Variants in SGCG observed in about 807,000 individuals in gnomAD.
SGCG encodes gamma-sarcoglycan.
A neutral mutation model predicts 29.3 loss-of-function variants in SGCG; 26 were observed. The ratio of observed to expected loss-of-function variants is 0.89; its 90% CI spans 0.65 to 1.23. SGCG has a LOEUF of 1.23. Ranked by LOEUF, SGCG falls within the 50% of genes most tolerant of loss-of-function variation. SGCG has a pLI of 0.00. For missense variants in SGCG, 353 were observed against 356.0 expected, an observed-to-expected ratio of 0.99 and a Z score of 0.07; for synonymous variants, 145 against 129.7, an observed-to-expected ratio of 1.12 and a Z score of -0.80.
At chr13:23,174,522 T>C in the SGCG span, among the ~76,000 whole-genome samples, 1 of 152,138 alleles carries the variant, frequency 6.6e-6, no homozygotes, top group Admixed American at 6.5e-5. Context: ...CGATTCCATA[T>C]AGTAGATTAA....
intron 6 of SGCG, among the ~76,000 whole-genome samples, chr13:23,303,111 T>C (rs906326828): frequency 1.3e-5 from 2 of 152,240 alleles, no homozygotes; most frequent in South Asian, 2.1e-4. Context: ...ATTTTTTAAT[T>C]TTCCCTTGCA....
chr13:23,315,749 A>G (rs966266479), intron 6 of SGCG, among the ~76,000 whole-genome samples: 14 of 152,210 alleles, frequency 9.2e-5, no homozygotes, highest in Admixed American at 5.2e-4. Context: ...GCTGTAGCCA[A>G]TGGTTTGGCT....
the SGCG span, among the ~76,000 whole-genome samples, chr13:23,170,339 T>C: frequency 6.6e-6 from 1 of 152,168 alleles, no homozygotes; most frequent in Non-Finnish European, 1.5e-5. Context: ...GACTTTGTGA[T>C]CATTAGCTTA....
At chr13:23,260,948 T>C (rs1880408868) in intron 4 of SGCG, among the ~76,000 whole-genome samples, 1 of 152,164 alleles carries the variant, frequency 6.6e-6, no homozygotes, top group Non-Finnish European at 1.5e-5. Context: ...ACCTGACCTT[T>C]CTCTCTGGCT....
chr13:23,270,516 A>G (rs1185228398), intron 4 of SGCG, among the ~76,000 whole-genome samples: 1 of 152,034 alleles, frequency 6.6e-6, no homozygotes, highest in East Asian at 1.9e-4. Context: ...CCATTTTTCT[A>G]TCAGAATTGT....
intron 4 of SGCG, among the ~76,000 whole-genome samples, chr13:23,274,950 T>C (rs1177913791): frequency 6.6e-6 from 1 of 151,986 alleles, no homozygotes; most frequent in Non-Finnish European, 1.5e-5. Flanking sequence ...AATTAGATTT[T>C]TTCAGTTCAG....
intron 2 of SGCG, among the ~76,000 whole-genome samples, chr13:23,228,545 G>A (rs372435357): frequency 4.6e-5 from 7 of 151,928 alleles, no homozygotes; most frequent in Non-Finnish European, 8.8e-5. Context: ...AGATTATTTC[G>A]TCACCCAGGT....
At chr13:23,238,852 G>A (rs968112670) in intron 3 of SGCG, among the ~76,000 whole-genome samples, 1 of 152,110 alleles carries the variant, frequency 6.6e-6, no homozygotes, top group Non-Finnish European at 1.5e-5. Flanking sequence ...ACAATTTAAA[G>A]TATAGCTATA....
At chr13:23,169,703 TAC>T in the SGCG span, 23,993 of 130,652 alleles carry the variant, frequency 0.18, 1,930 homozygotes, top group Admixed American at 0.21. Flanking sequence ...CTGTCTCTCA[TAC>T]ACACACACAC....
the SGCG span, among the ~76,000 whole-genome samples, chr13:23,161,099 A>C: frequency 1.3e-5 from 2 of 152,124 alleles, no homozygotes; most frequent in Non-Finnish European, 2.9e-5. Flanking sequence ...ACCAAGTGCA[A>C]AGTTGCGTAG....
the SGCG span, among the ~76,000 whole-genome samples, chr13:23,174,029 T>C: frequency 2.0e-5 from 3 of 152,202 alleles, no homozygotes; most frequent in East Asian, 3.8e-4. Flanking sequence ...TGAAATGAAT[T>C]ATTAACCAAT....
chr13:23,318,245 TCC>T, intron 6 of SGCG, among the ~76,000 whole-genome samples: 1 of 152,150 alleles, frequency 6.6e-6, no homozygotes, highest in Non-Finnish European at 1.5e-5. Flanking sequence ...ACTAGTTATG[TCC>T]CTCTAGGGAA....
At chr13:23,182,387 G>A (rs1034769654) in intron 1 of SGCG, among the ~76,000 whole-genome samples, 7 of 152,090 alleles carry the variant, frequency 4.6e-5, no homozygotes, top group African/African-American at 7.2e-5. Flanking sequence ...AAACTACAGC[G>A]TCCTGAGGAT....
intron 1 of SGCG, among the ~76,000 whole-genome samples, chr13:23,185,996 A>T (rs1375567116): frequency 6.6e-6 from 1 of 152,112 alleles, no homozygotes; most frequent in Non-Finnish European, 1.5e-5. Flanking sequence ...TTCCTGGGGG[A>T]ACACTGAGGG....
intron 2 of SGCG, among the ~76,000 whole-genome samples, chr13:23,212,568 A>G (rs1878266836): frequency 6.6e-6 from 1 of 152,228 alleles, no homozygotes; most frequent in Non-Finnish European, 1.5e-5. Context: ...GCAAATGAGT[A>G]TAGAAAGAGG....
chr13:23,162,481 C>A, the SGCG span, among the ~76,000 whole-genome samples: 1 of 152,114 alleles, frequency 6.6e-6, no homozygotes, highest in African/African-American at 2.4e-5. Context: ...TAAAAATTAG[C>A]CGGGCGTGGT....
chr13:23,203,775 C>T lies in SGCG; in HGVS notation c.81C>T (p.Gly27=), dbSNP rs202078221. 3 of 1,613,784 alleles carry T rather than the reference C, an allele frequency of 1.9e-6. No individual in the cohort carries two copies. The African/African-American group carries it at 4.0e-5, about 22-fold the overall frequency. Residue 27 remains glycine (G), a synonymous_variant, in exon 2 of 8, where the codon GGC becomes GGT. Coordinates refer to ENST00000218867, the MANE Select transcript of SGCG (RefSeq NM_000231.3). ...RPENQYVYKI[G]IYGWRKRCLY... ...AGAATCAGTATGTCTACAAAATTGG[C>T]ATTTATGGCTGGAGAAAGCGCTGTC...
At chr13:23,215,895 G>C (rs1317843561) in intron 2 of SGCG, among the ~76,000 whole-genome samples, 1 of 151,794 alleles carries the variant, frequency 6.6e-6, no homozygotes, top group Non-Finnish European at 1.5e-5. Flanking sequence ...GCCAAATGTG[G>C]AAGACCAATT....
chr13:23,282,149 T>A (rs1399741270), intron 5 of SGCG, among the ~76,000 whole-genome samples: 1 of 152,170 alleles, frequency 6.6e-6, no homozygotes, highest in African/African-American at 2.4e-5. Context: ...GACAGTACAA[T>A]TTTGAGCAGA....
Sources: allele counts gnomAD v4.1 joint callset (sites outside exome capture counted in the v4.1 genomes callset), GRCh38; gene constraint gnomAD v4.1.1; transcripts MANE v1.5; gene names NCBI Gene and HGNC (gene_info 2026-07-23, HGNC 2026-07-21).